Variants in ROBO2 observed in about 807,000 individuals in gnomAD.
ROBO2 encodes roundabout homolog 2.
ROBO2 carries 53 observed loss-of-function variants against 160.8 expected under a neutral mutation model. That is an observed-to-expected ratio of 0.33 (90% CI 0.26 to 0.41). The LOEUF (loss-of-function observed/expected upper bound fraction) is 0.41, where lower values mean the gene tolerates loss of function less well. ROBO2 is among the 10% of genes least tolerant of loss of function. The pLI is 1.00. For synonymous variants in ROBO2, 664 were observed against 611.7 expected (o/e 1.09, Z -1.26); for missense variants, 1,577 against 1,722.4 (o/e 0.92, Z 1.49).
Position 76,474,912 on chromosome 3 carries a change from A to G in ROBO2, c.109+537310A>G, listed in dbSNP as rs530928778. ...GTCTTCCTCTTAGAATCCACAGGCT[A>G]TGGGCATGTGCTTCTCATGGCAACG... is the stretch of plus-strand genomic sequence containing the variant. On this transcript the variant is annotated intron_variant, in intron 2 of 26. Transcript: ENST00000487694. Among the ~76,000 whole-genome samples the G allele has an allele frequency of 1.1e-4, 17 of 152,206 alleles. 1 individual carries two copies. Among genetic ancestry groups the G allele is most frequent in the Admixed American group, 5.9e-4 (9 of 15,270 alleles).
At chr3:77,385,103 C>T (rs1434739072) in intron 2 of ROBO2, among the ~76,000 whole-genome samples, 1 of 152,182 alleles carries the variant, frequency 6.6e-6, no homozygotes, top group Non-Finnish European at 1.5e-5. Flanking sequence ...GATCTTGGCT[C>T]ACTGCAACCT....
chr3:76,241,366 G>A (rs1189533865), intron 2 of ROBO2, among the ~76,000 whole-genome samples: 2 of 152,176 alleles, frequency 1.3e-5, no homozygotes, highest in African/African-American at 2.4e-5. Flanking sequence ...AAACATATTC[G>A]CATTCAGTGA....
intron 2 of ROBO2, among the ~76,000 whole-genome samples, chr3:76,376,272 A>C (rs538634334): frequency 6.6e-6 from 1 of 152,232 alleles, no homozygotes; most frequent in African/African-American, 2.4e-5. Flanking sequence ...TCCCAGTCCC[A>C]GTGGATTCAG....
At chr3:77,494,150 T>C (rs1313925841) in intron 5 of ROBO2, among the ~76,000 whole-genome samples, 1 of 152,248 alleles carries the variant, frequency 6.6e-6, no homozygotes, top group Non-Finnish European at 1.5e-5. Flanking sequence ...TTAACACAAG[T>C]AATTTTATCT....
chr3:76,294,869 C>G (rs1277092137), intron 2 of ROBO2, among the ~76,000 whole-genome samples: 1 of 152,152 alleles, frequency 6.6e-6, no homozygotes, highest in African/African-American at 2.4e-5. Flanking sequence ...AAGTGGAAAA[C>G]TGTCTTGATA....
intron 2 of ROBO2, among the ~76,000 whole-genome samples, chr3:76,325,724 A>G (rs1028532585): frequency 2.6e-5 from 4 of 152,104 alleles, no homozygotes; most frequent in Non-Finnish European, 4.4e-5. Flanking sequence ...ATTAAAAAAA[A>G]AAACAACAAC....
intron 2 of ROBO2, among the ~76,000 whole-genome samples, chr3:75,942,594 C>T (rs1948105855): frequency 6.6e-6 from 1 of 152,014 alleles, no homozygotes; most frequent in Admixed American, 6.6e-5. Context: ...TGCAAATATT[C>T]AACACATAAA....
intron 6 of ROBO2, among the ~76,000 whole-genome samples, chr3:77,527,087 T>C (rs2153631577): frequency 6.6e-6 from 1 of 151,588 alleles, no homozygotes; most frequent in Non-Finnish European, 1.5e-5. Context: ...TTTTTAACTT[T>C]GGGGTAACAC....
intron 2 of ROBO2, among the ~76,000 whole-genome samples, chr3:76,057,917 TA>T (rs1480023855): frequency 5.3e-5 from 8 of 152,194 alleles, no homozygotes; most frequent in Non-Finnish European, 1.2e-4. Flanking sequence ...CAGCAAAGCA[TA>T]AATGTAGATA....
chr3:76,436,828 A>G (rs2076704942), intron 2 of ROBO2, among the ~76,000 whole-genome samples: 1 of 152,184 alleles, frequency 6.6e-6, no homozygotes, highest in South Asian at 2.1e-4. Context: ...AGGTAACTTT[A>G]GCTTGACCTT....
chr3:76,033,623 TAATGACTTC>T (rs1477668004), intron 2 of ROBO2, among the ~76,000 whole-genome samples: 1 of 152,200 alleles, frequency 6.6e-6, no homozygotes, highest in East Asian at 1.9e-4. Flanking sequence ...CCCCAAAGCT[TAATGACTTC>T]AAATCACAGC....
chr3:76,818,323 C>T (rs2065859980), intron 2 of ROBO2, among the ~76,000 whole-genome samples: 1 of 151,808 alleles, frequency 6.6e-6, no homozygotes, highest in African/African-American at 2.4e-5. Flanking sequence ...GTCCTTATCC[C>T]ACTTTTTGAT....
chr3:76,143,366 C>T (rs948181979), intron 2 of ROBO2, among the ~76,000 whole-genome samples: 1 of 152,070 alleles, frequency 6.6e-6, no homozygotes, highest in African/African-American at 2.4e-5. Flanking sequence ...CCATCCTTGT[C>T]TGTCACCACT....
chr3:77,568,393 C>G, exon 13 of ROBO2: 1 of 1,612,970 alleles, frequency 6.2e-7, no homozygotes, highest in Non-Finnish European at 8.5e-7. Context: ...TCTTCATAAT[C>G]CAGTTGTGCT....
chr3:76,237,358 C>T (rs1186077897), intron 2 of ROBO2, among the ~76,000 whole-genome samples: 1 of 152,240 alleles, frequency 6.6e-6, no homozygotes, highest in East Asian at 1.9e-4. Context: ...CTTGTCTAAA[C>T]ATTATGTTTA....
At chr3:76,328,315 A>T (rs1444639488) in intron 2 of ROBO2, among the ~76,000 whole-genome samples, 1 of 152,224 alleles carries the variant, frequency 6.6e-6, no homozygotes, top group Non-Finnish European at 1.5e-5. Context: ...CAATTGGAAG[A>T]TATTCCCAAA....
intron 2 of ROBO2, among the ~76,000 whole-genome samples, chr3:77,454,354 T>G (rs1444814960): frequency 2.0e-5 from 3 of 152,172 alleles, no homozygotes; most frequent in African/African-American, 7.2e-5. Flanking sequence ...CTCGTCAATT[T>G]CTACACATTT....
At chr3:76,058,974 T>C (rs1421741633) in intron 2 of ROBO2, among the ~76,000 whole-genome samples, 1 of 151,364 alleles carries the variant, frequency 6.6e-6, no homozygotes, top group Non-Finnish European at 1.5e-5. Context: ...ACAAAGGACA[T>C]GAACTCATCA....
rs942495054 is a variant in ROBO2 at position 77,577,550 on chromosome 3, G to A, written c.2264G>A (p.Ser755Asn). Residue 755 changes from serine (S) to asparagine (N), a missense_variant, in exon 15 of 26, where the codon AGT becomes AAT. Physicochemically the swap from Ser to Asn is conservative, Grantham distance 46. Around this residue, in one of 2 missense-constraint regions of ROBO2, gnomAD observed 940 missense variants for 1,135.5 expected, o/e 0.83. Coordinates refer to ENST00000461745, the Ensembl canonical transcript of ROBO2. ...ACAGTTGGAAGCTACAATAGCACAA[G>A]TATTAGTGTTTCCTGGGATCCTCCT... 6.2e-7 allele frequency: 1 copy of A among 1,613,372 alleles called. No homozygotes were observed. The highest frequency in any genetic ancestry group is 1.7e-5 in the Admixed American group (1 of 59,928).
Sources: gnomAD v4.1 joint callset for allele counts (sites outside exome capture counted in the v4.1 genomes callset) on GRCh38, gnomAD v4.1.1 for gene constraint, gnomAD v4.1.1 regional missense constraint, MANE v1.5 for transcripts, NCBI Gene and HGNC (gene_info 2026-07-23, HGNC 2026-07-21) for gene names.